CMSS1: variants seen among roughly 807,000 people sequenced by gnomAD.
The protein encoded by CMSS1 is protein CMSS1.
CMSS1 carries 33 observed loss-of-function variants against 43.5 expected under a neutral mutation model. The observed-to-expected ratio is 0.76, with a 90% CI of 0.57 to 1.01. CMSS1 has a LOEUF of 1.01. Ranked by LOEUF, CMSS1 falls within the 50% of genes least tolerant of loss-of-function variation. The probability of loss-of-function intolerance (pLI) is 0.00; values close to 1 mark genes in which losing one functional copy is unlikely to be tolerated. For missense variants in CMSS1, 313 were observed against 326.4 expected (o/e 0.96, Z 0.32); for synonymous variants, 115 against 117.2 (o/e 0.98, Z 0.12).
intron 1 of CMSS1, among the ~76,000 whole-genome samples, chr3:99,868,949 G>A (rs1160480492): frequency 6.6e-6 from 1 of 152,106 alleles, no homozygotes; most frequent in Non-Finnish European, 1.5e-5. Flanking sequence ...CCAACTGTAA[G>A]CTCCTTAAAG....
chr3:100,168,715 A>G (rs1463065172), intron 6 of CMSS1, among the ~76,000 whole-genome samples: 1 of 151,880 alleles, frequency 6.6e-6, no homozygotes, highest in Non-Finnish European at 1.5e-5. Flanking sequence ...ACACATTCCT[A>G]GTAAAACTCC....
At chr3:99,985,776 A>G (rs2107741274) in intron 1 of CMSS1, among the ~76,000 whole-genome samples, 1 of 152,164 alleles carries the variant, frequency 6.6e-6, no homozygotes, top group East Asian at 1.9e-4. Flanking sequence ...TTTACTAGAG[A>G]TGGGGTTTCC....
chr3:99,896,145 C>T (rs1291158750), intron 1 of CMSS1, among the ~76,000 whole-genome samples: 2 of 152,012 alleles, frequency 1.3e-5, no homozygotes, highest in Admixed American at 1.3e-4. Context: ...GTGTGAATAA[C>T]TGCTAATGGT....
rs1312846378 is a variant in CMSS1, at chr3:100,171,858, G to C, written c.538G>C (p.Gly180Arg). The C allele has an allele frequency of 6.2e-7, 1 of 1,613,952 alleles. No individual in the cohort carries two copies. Reference protein sequence around the residue: ...ELIRSMTAFRGDGKVIKLFAK... With the variant: ...ELIRSMTAFRRDGKVIKLFAK... ...CATTAGGTCGATGACAGCATTCAGA[G>C]GAGACGGCAAAGTTATAAAATTATT... The change falls in exon 7 of 10, where the codon GGA becomes CGA. Residue 180 changes from glycine (G) to arginine (R), a missense_variant. Transcript: ENST00000421999.
At chr3:100,087,510 C>A (rs1173103596) in intron 1 of CMSS1, among the ~76,000 whole-genome samples, 1 of 152,138 alleles carries the variant, frequency 6.6e-6, no homozygotes, top group Non-Finnish European at 1.5e-5. Flanking sequence ...TTTTCATAGA[C>A]CTATTTTTCA....
At chr3:99,923,547 C>T (rs1039422628) in intron 1 of CMSS1, among the ~76,000 whole-genome samples, 1 of 152,156 alleles carries the variant, frequency 6.6e-6, no homozygotes, top group African/African-American at 2.4e-5. Context: ...ATTGACTAAA[C>T]ATCATAAGTA....
intron 1 of CMSS1, among the ~76,000 whole-genome samples, chr3:100,084,095 A>G (rs2065970788): frequency 6.6e-6 from 1 of 152,180 alleles, no homozygotes. Flanking sequence ...AAGGAGCTCA[A>G]TTTTTAAAAT....
chr3:99,989,580 T>C (rs1709451141), intron 1 of CMSS1, among the ~76,000 whole-genome samples: 1 of 152,260 alleles, frequency 6.6e-6, no homozygotes, highest in Admixed American at 6.5e-5. Flanking sequence ...CAAGCTACTC[T>C]GACTTTATTT....
At chr3:99,889,947 G>A (rs1471394933) in intron 1 of CMSS1, among the ~76,000 whole-genome samples, 1 of 151,860 alleles carries the variant, frequency 6.6e-6, no homozygotes, top group Non-Finnish European at 1.5e-5. Flanking sequence ...GCAATTATTG[G>A]TTTAGATATA....
At chr3:100,110,779 T>A (rs1002585661) in intron 1 of CMSS1, among the ~76,000 whole-genome samples, 1 of 152,150 alleles carries the variant, frequency 6.6e-6, no homozygotes. Flanking sequence ...CTCTTACCCA[T>A]GATAAACTGC....
intron 1 of CMSS1, among the ~76,000 whole-genome samples, chr3:99,872,113 G>A (rs1944818763): frequency 6.6e-6 from 1 of 152,090 alleles, no homozygotes; most frequent in African/African-American, 2.4e-5. Flanking sequence ...TGTAGCCCAA[G>A]AATGCAGGGG....
chr3:100,026,763 C>G lies in CMSS1; in HGVS notation c.65-120210C>G, dbSNP rs375810411. Among the ~76,000 whole-genome samples the G allele has an allele frequency of 3.6e-4, 55 of 152,278 alleles. 2 individuals are homozygous for G. The South Asian group carries it at 7.3e-3, about 20-fold the overall frequency. On this transcript the variant is annotated intron_variant, in intron 1 of 9. Transcript: ENST00000421999. ...TGTGGTCCAAACCACCACCGTCTCT[C>G]TCCAAGATTGTTGCAGTAGCCTCCT...
chr3:100,058,744 A>G (rs1559742810), intron 1 of CMSS1, among the ~76,000 whole-genome samples: 2 of 152,230 alleles, frequency 1.3e-5, no homozygotes, highest in Non-Finnish European at 2.9e-5. Context: ...GAGGCTTTTC[A>G]GTAGAAGGAG....
chr3:100,028,670 T>C (rs2064969952), intron 1 of CMSS1, among the ~76,000 whole-genome samples: 1 of 152,158 alleles, frequency 6.6e-6, no homozygotes, highest in African/African-American at 2.4e-5. Context: ...TGGAATAGCA[T>C]TTTTTTCCAT....
intron 1 of CMSS1, among the ~76,000 whole-genome samples, chr3:100,066,247 G>A (rs1382360905): frequency 6.6e-6 from 1 of 152,098 alleles, no homozygotes; most frequent in African/African-American, 2.4e-5. Context: ...CTCTCTGTGG[G>A]ATTCTTTTCT....
intron 1 of CMSS1, among the ~76,000 whole-genome samples, chr3:100,086,182 A>G (rs1346319267): frequency 1.3e-5 from 2 of 152,228 alleles, no homozygotes; most frequent in East Asian, 3.8e-4. Flanking sequence ...GCAGTGGTAG[A>G]GAGTCTTTGA....
At chr3:100,028,662 G>A (rs1284346211) in intron 1 of CMSS1, among the ~76,000 whole-genome samples, 3 of 152,024 alleles carry the variant, frequency 2.0e-5, no homozygotes, top group Non-Finnish European at 4.4e-5. Context: ...GACAATAATG[G>A]AATAGCATTT....
intron 1 of CMSS1, among the ~76,000 whole-genome samples, chr3:100,031,859 G>A (rs1286108658): frequency 1.3e-5 from 2 of 152,186 alleles, no homozygotes; most frequent in Non-Finnish European, 2.9e-5. Context: ...TATGGTCTGT[G>A]TAGTAACTAC....
At chr3:100,014,869 C>CTTTTTTTTTTTT (rs1559725848) in intron 1 of CMSS1, among the ~76,000 whole-genome samples, 2 of 18,524 alleles carry the variant, frequency 1.1e-4, no homozygotes, top group South Asian at 1.3e-3. Context: ...TTGTCTTTTT[C>CTTTTTTTTTTTT]TTTTCTTTTT....
Sources: gnomAD v4.1 joint callset for allele counts (sites outside exome capture counted in the v4.1 genomes callset) on GRCh38, gnomAD v4.1.1 for gene constraint, MANE v1.5 for transcripts, NCBI Gene and HGNC (gene_info 2026-07-23, HGNC 2026-07-21) for gene names.